Variants in C12orf60 observed in about 807,000 individuals in gnomAD.
C12orf60 encodes the protein uncharacterized protein C12orf60.
For missense variants in C12orf60, 284 were observed against 283.2 expected (o/e 1.00, Z -0.02); for synonymous variants, 102 against 94.6 (o/e 1.08, Z -0.45).
intron 1 of C12orf60, among the ~76,000 whole-genome samples, chr12:14,813,120 GT>G (rs1397354007): frequency 1.3e-5 from 2 of 152,140 alleles, no homozygotes; most frequent in Non-Finnish European, 2.9e-5. Flanking sequence ...GTACATGGGA[GT>G]TTATTATATT....
Position 14,823,065 on chromosome 12 carries a change from CAA to C in C12orf60, c.132_133del (p.Gln44HisfsTer10). On this transcript the variant is annotated frameshift_variant, in exon 2 of 2. Coordinates refer to ENST00000330828, the MANE Select transcript of C12orf60 (RefSeq NM_175874.4). LOFTEE classifies it low-confidence loss of function (END_TRUNC). ...TELFSRSMNT[Q>X]ILLMAVKNNS... is the part of the protein sequence containing the mutation. The stretch of plus-strand genomic sequence containing the variant: ...ATTGTTTAGCCGCAGTATGAATACT[CAA>C]ATCCTTTTGATGGCTGTGAAAAACA... 1 of 1,614,120 alleles carries C rather than the reference CAA, an allele frequency of 6.2e-7. No individual in the cohort carries two copies. Among genetic ancestry groups the C allele is most frequent in the Non-Finnish European group, 8.5e-7 (1 of 1,179,994 alleles).
At chr12:14,818,165 T>A (rs1423184931) in intron 1 of C12orf60, among the ~76,000 whole-genome samples, 1 of 152,124 alleles carries the variant, frequency 6.6e-6, no homozygotes, top group Admixed American at 6.5e-5. Flanking sequence ...CCTTTGCCCA[T>A]TTTTTGATAG....
chr12:14,824,208 T>C lies in C12orf60; in HGVS notation c.*535T>C, dbSNP rs1030071456. 1.3e-5 allele frequency: 2 copies of C among 152,324 alleles called. No homozygotes were observed. The highest frequency in any genetic ancestry group is 4.8e-5 in the African/African-American group (2 of 41,464). The allele number at this position is 152,324 out of a possible 1,614,324, so 9.4% of individuals were successfully genotyped here. Reference sequence around the variant, plus strand: ...ACAGTGAATGAGCAATAATAGACTTTTCTTGCTTATGTGAGTAAGACCAGA... The same window carrying C: ...ACAGTGAATGAGCAATAATAGACTTCTCTTGCTTATGTGAGTAAGACCAGA... On this transcript the variant is annotated 3_prime_UTR_variant, in exon 2 of 2. Transcript: ENST00000330828.
At chr12:14,820,746 T>G (rs1950293868) in intron 1 of C12orf60, among the ~76,000 whole-genome samples, 1 of 152,120 alleles carries the variant, frequency 6.6e-6, no homozygotes, top group South Asian at 2.1e-4. Flanking sequence ...TTGTGTTGTA[T>G]TTATAAATTA....
chr12:14,813,316 C>T (rs918397635), intron 1 of C12orf60, among the ~76,000 whole-genome samples: 5 of 152,102 alleles, frequency 3.3e-5, no homozygotes. Flanking sequence ...TGCACAGTTT[C>T]CTTATCTGGG....
At chr12:14,819,140 A>G (rs1233313613) in intron 1 of C12orf60, among the ~76,000 whole-genome samples, 1 of 152,124 alleles carries the variant, frequency 6.6e-6, no homozygotes, top group Non-Finnish European at 1.5e-5. Context: ...CATCTTTGCT[A>G]TATAGAGTCT....
chr12:14,814,448 G>C (rs563440177), intron 1 of C12orf60, among the ~76,000 whole-genome samples: 106 of 152,226 alleles, frequency 7.0e-4, no homozygotes, highest in African/African-American at 2.4e-3. Flanking sequence ...CTATATAACT[G>C]AGCTAATTCA....
chr12:14,815,363 A>G (rs1487699187), intron 1 of C12orf60, among the ~76,000 whole-genome samples: 1 of 152,100 alleles, frequency 6.6e-6, no homozygotes, highest in Non-Finnish European at 1.5e-5. Flanking sequence ...TTTGGGGAGG[A>G]TGGTGGTATA....
intron 1 of C12orf60, among the ~76,000 whole-genome samples, chr12:14,811,844 A>G (rs1159869628): frequency 5.9e-5 from 9 of 152,328 alleles, no homozygotes; most frequent in Middle Eastern, 3.4e-3. Flanking sequence ...ATTAATATCA[A>G]GGTGATTAGA....
intron 1 of C12orf60, chr12:14,805,982 A>C (rs765037681): frequency 1.3e-6 from 2 of 1,577,468 alleles, no homozygotes; most frequent in African/African-American, 2.7e-5. Flanking sequence ...AAAACACTTC[A>C]GTGGCAAATA....
intron 1 of C12orf60, chr12:14,814,159 G>A (rs1309738083): frequency 6.6e-6 from 1 of 152,168 alleles, no homozygotes; most frequent in Non-Finnish European, 1.5e-5. Flanking sequence ...GGTCCTAGCA[G>A]TTGTTTAGGA....
chr12:14,810,199 A>G (rs961890479), intron 1 of C12orf60, among the ~76,000 whole-genome samples: 6 of 152,160 alleles, frequency 3.9e-5, no homozygotes, highest in African/African-American at 2.4e-5. Flanking sequence ...TTGTGCTAAC[A>G]TATCTTCAGC....
At chr12:14,818,861 A>G (rs938925545) in intron 1 of C12orf60, among the ~76,000 whole-genome samples, 1 of 152,240 alleles carries the variant, frequency 6.6e-6, no homozygotes. Context: ...AGGTTGGTCT[A>G]CATATCACCA....
rs1487318742 is a variant in C12orf60 at position 14,823,509 on chromosome 12, C to T, written c.574C>T (p.Gln192Ter). 6.2e-7 allele frequency: 1 copy of T among 1,612,932 alleles called. No homozygotes were observed. The highest frequency in any genetic ancestry group is 2.2e-5 in the East Asian group (1 of 44,862). ...TTMIDTLKKL[Q>*]DVLKTEDSKN... ...TATGATAGACACCTTGAAAAAACTG[C>T]AGGATGTACTAAAAACTGAGGATTC... Residue 192 changes from glutamine (Q) to a stop codon, truncating the protein, a stop_gained, in exon 2 of 2, where the codon CAG (glutamine) becomes TAG (stop). Transcript: ENST00000330828. LOFTEE classifies it low-confidence loss of function (END_TRUNC).
chr12:14,822,363 C>G (rs2137288082), intron 1 of C12orf60, among the ~76,000 whole-genome samples: 1 of 151,924 alleles, frequency 6.6e-6, no homozygotes, highest in East Asian at 1.9e-4. Flanking sequence ...AAAACACACC[C>G]TCAAACAAAA....
chr12:14,808,716 C>T (rs1474640160), intron 1 of C12orf60, among the ~76,000 whole-genome samples: 1 of 152,188 alleles, frequency 6.6e-6, no homozygotes, highest in Non-Finnish European at 1.5e-5. Context: ...TGCACTGGAA[C>T]CTCCTGGTAA....
At chr12:14,816,932 G>A (rs1220208829) in intron 1 of C12orf60, among the ~76,000 whole-genome samples, 1 of 151,882 alleles carries the variant, frequency 6.6e-6, no homozygotes, top group East Asian at 1.9e-4. Flanking sequence ...TAGTAGAGAC[G>A]GGGTTTTGCC....
intron 1 of C12orf60, among the ~76,000 whole-genome samples, chr12:14,810,048 C>T (rs924920886): frequency 2.0e-5 from 3 of 152,184 alleles, no homozygotes; most frequent in Admixed American, 6.5e-5. Flanking sequence ...TTCATGACTT[C>T]GTTCCAATAA....
intron 1 of C12orf60, among the ~76,000 whole-genome samples, chr12:14,809,401 G>A (rs770761673): frequency 6.6e-6 from 1 of 151,956 alleles, no homozygotes; most frequent in Non-Finnish European, 1.5e-5. Flanking sequence ...TCTCCCCCCA[G>A]TATTAAAACA....
Sources: gnomAD v4.1 joint callset for allele counts (sites outside exome capture counted in the v4.1 genomes callset) on GRCh38, gnomAD v4.1.1 for gene constraint, MANE v1.5 for transcripts, NCBI Gene and HGNC (gene_info 2026-07-23, HGNC 2026-07-21) for gene names.